PLAC1: variants seen among roughly 807,000 people sequenced by gnomAD.
The protein encoded by PLAC1 is placenta associated 1.
For synonymous variants in PLAC1, 68 were observed against 62.1 expected (o/e 1.09, Z -0.44); for missense variants, 136 against 163.2 (o/e 0.83, Z 0.91).
intron 1 of PLAC1, among the ~76,000 whole-genome samples, chrX:134,616,480 CA>C (rs1186722027): frequency 9.1e-6 from 1 of 109,578 alleles, no homozygotes; most frequent in African/African-American, 3.3e-5. Context: ...ACTAAAAATA[CA>C]AAAAATTAGC....
rs749487997 is a variant in PLAC1 at position 134,672,189 on chromosome X, T to C, written n.174+61246A>G. ...ATCTCTGGTGGTGACGACCCTACTA[T>C]TGGAATAGTCCAAGGAGAGGAAGTA... On this transcript the variant is annotated intron_variant and non_coding_transcript_variant, in intron 2 of 2. Coordinates refer to the PLAC1 transcript ENST00000466797. Among the ~76,000 whole-genome samples the C allele has an allele frequency of 2.7e-5, 3 of 112,308 alleles. No individual in the cohort carries two copies. The Admixed American group carries it at 2.8e-4, about 11-fold the overall frequency.
intron 1 of PLAC1, among the ~76,000 whole-genome samples, chrX:134,754,063 G>A (rs774625841): frequency 3.6e-5 from 4 of 112,093 alleles, no homozygotes; most frequent in South Asian, 3.7e-4. Context: ...TCTGCCTGGC[G>A]TAATTATGGT....
chrX:134,715,365 G>A (rs1177292118), intron 2 of PLAC1, among the ~76,000 whole-genome samples: 4 of 110,861 alleles, frequency 3.6e-5, no homozygotes, highest in African/African-American at 1.3e-4. Context: ...TTTAAGAAAA[G>A]TAGAGCTGGC....
intron 2 of PLAC1, among the ~76,000 whole-genome samples, chrX:134,718,400 G>A (rs184068186): frequency 1.2e-4 from 14 of 112,263 alleles, no homozygotes; most frequent in Non-Finnish European, 2.6e-4. Flanking sequence ...TGAAAAGTAC[G>A]TAAAGATCAC....
intron 1 of PLAC1, among the ~76,000 whole-genome samples, chrX:134,754,031 A>AC (rs2078750861): frequency 9.0e-6 from 1 of 111,597 alleles, no homozygotes; most frequent in Non-Finnish European, 1.9e-5. Context: ...CACATAGAAA[A>AC]CCCCACAAAC....
Position 134,739,273 on chromosome X carries a change from CTG to C in PLAC1, n.90-5756_90-5755del, listed in dbSNP as rs762494199. 3.9e-4 allele frequency among the ~76,000 whole-genome samples: 44 copies of C among 112,260 alleles called. No homozygotes were observed. In the Admixed American group the frequency reaches 4.0e-3, roughly 10 times the overall value. On this transcript the variant is annotated intron_variant and non_coding_transcript_variant, in intron 1 of 2. Coordinates refer to the PLAC1 transcript ENST00000466797. ...AGGGTGGGAGTGTGTGTGAAAGGGA[CTG>C]TTTTGTTAAATTGATTTTTTTATTC...
At chrX:134,575,450 A>C (rs34310420) in intron 2 of PLAC1, among the ~76,000 whole-genome samples, 6,960 of 93,908 alleles carry the variant, frequency 0.074, 548 homozygotes, top group African/African-American at 0.24. Flanking sequence ...TCTCCAAAAA[A>C]AAACAAACAA....
Position 134,717,654 on chromosome X carries a change from A to G in PLAC1, n.174+15781T>C, listed in dbSNP as rs1320263610. Among the ~76,000 whole-genome samples, 4 of 111,987 alleles carry G rather than the reference A, an allele frequency of 3.6e-5. No homozygotes were observed. The East Asian group carries it at 1.1e-3, about 32-fold the overall frequency. On this transcript the variant is annotated intron_variant and non_coding_transcript_variant, in intron 2 of 2. Coordinates refer to the PLAC1 transcript ENST00000466797. ...CCCCCAGAGTGAGGCCTGTCTCCTA[A>G]AATTCTAGAGCCATTCATTAGCCCA...
At chrX:134,715,618 G>A (rs1006202089) in intron 2 of PLAC1, among the ~76,000 whole-genome samples, 5 of 112,071 alleles carry the variant, frequency 4.5e-5, no homozygotes, top group Non-Finnish European at 9.4e-5. Flanking sequence ...CCTTGGATCT[G>A]TAGCTCTTTC....
At chrX:134,643,860 A>C (rs891627942) in intron 1 of PLAC1, among the ~76,000 whole-genome samples, 3 of 109,783 alleles carry the variant, frequency 2.7e-5, no homozygotes, top group Non-Finnish European at 3.8e-5. Context: ...AGCTTTGAAC[A>C]CTTGTTGGCT....
intron 2 of PLAC1, among the ~76,000 whole-genome samples, chrX:134,679,378 C>T (rs1480035417): frequency 9.0e-6 from 1 of 110,585 alleles, no homozygotes; most frequent in Non-Finnish European, 1.9e-5. Context: ...CCATCAGCCA[C>T]GGGGTTGGAT....
chrX:134,687,385 T>C (rs1173811414), intron 2 of PLAC1, among the ~76,000 whole-genome samples: 1 of 111,041 alleles, frequency 9.0e-6, no homozygotes. Context: ...TACGAGTTTT[T>C]GTGTGTGTGA....
intron 2 of PLAC1, among the ~76,000 whole-genome samples, chrX:134,728,920 A>G (rs1038378625): frequency 3.6e-5 from 4 of 111,005 alleles, no homozygotes; most frequent in African/African-American, 1.3e-4. Context: ...CTTTCCCAAC[A>G]TCACACCTCA....
intron 1 of PLAC1, among the ~76,000 whole-genome samples, chrX:134,639,850 C>T (rs2078299894): frequency 8.9e-6 from 1 of 112,109 alleles, no homozygotes; most frequent in African/African-American, 3.2e-5. Context: ...TGGCTTCTGT[C>T]CTTTAGCATA....
intron 1 of PLAC1, among the ~76,000 whole-genome samples, chrX:134,744,230 T>G (rs2078723816): frequency 9.8e-6 from 1 of 102,434 alleles, no homozygotes; most frequent in Non-Finnish European, 2.0e-5. Flanking sequence ...TTCAGTGAAC[T>G]GAGATCATGC....
At chrX:134,712,691 C>A (rs1291817390) in intron 2 of PLAC1, among the ~76,000 whole-genome samples, 1 of 111,272 alleles carries the variant, frequency 9.0e-6, no homozygotes, top group Non-Finnish European at 1.9e-5. Context: ...TTTATGCAAG[C>A]TCTGAAAAGC....
Position 134,622,358 on chromosome X carries a change from C to G in PLAC1, c.-130-20236G>C, listed in dbSNP as rs752792578. Among the ~76,000 whole-genome samples, 16 of 111,322 alleles carry G rather than the reference C, an allele frequency of 1.4e-4. No homozygotes were observed. The South Asian group carries it at 6.2e-3, about 43-fold the overall frequency. ...AGATATTTTCCATCCCCCTCCTCCC[C>G]CCTCCACAGGAAATTCTTGTGTTTA... On this transcript the variant is annotated intron_variant, in intron 1 of 2. Transcript: ENST00000359237.
At position 134,672,123 on chromosome X, in the gene PLAC1, G is replaced by GA. The variant is rs144064764; in HGVS notation, n.174+61311dup. 4.0e-3 allele frequency among the ~76,000 whole-genome samples: 449 copies of GA among 111,502 alleles called. 2 individuals are homozygous for GA. The highest frequency in any genetic ancestry group is 0.017 in the South Asian group (44 of 2,644). On this transcript the variant is annotated intron_variant and non_coding_transcript_variant, in intron 2 of 2. Transcript: ENST00000466797. ...AATGAAACTGAGAGCCTGAATAAAT[G>GA]AAAAAAAATCCTTTTCAGAGCCATT...
intron 2 of PLAC1, among the ~76,000 whole-genome samples, chrX:134,694,826 T>C (rs1435692076): frequency 8.9e-6 from 1 of 111,875 alleles, no homozygotes; most frequent in Non-Finnish European, 1.9e-5. Context: ...GATTGAGGAA[T>C]TGACCAAATG....
Sources: gnomAD v4.1 joint callset for allele counts (sites outside exome capture counted in the v4.1 genomes callset) on GRCh38, gnomAD v4.1.1 for gene constraint, MANE v1.5 for transcripts, NCBI Gene and HGNC (gene_info 2026-07-23, HGNC 2026-07-21) for gene names.